Variants in DCLRE1C observed in about 807,000 individuals in gnomAD.
The protein encoded by DCLRE1C is DNA cross-link repair 1C, also known as protein artemis.
Under a neutral mutation model 61.4 loss-of-function variants are expected in DCLRE1C, and 47 were observed. The observed-to-expected ratio is 0.77, with a 90% CI of 0.61 to 0.98. DCLRE1C has a LOEUF of 0.98. DCLRE1C is among the 50% of genes least tolerant of loss of function. DCLRE1C has a pLI of 0.00. For synonymous variants in DCLRE1C, 337 were observed against 287.6 expected, an observed-to-expected ratio of 1.17 and a Z score of -1.74; for missense variants, 858 against 816.0, an observed-to-expected ratio of 1.05 and a Z score of -0.63.
At chr10:14,899,745 A>G (rs541394387), downstream of DCLRE1C, 4 of 1,565,968 alleles carry the variant, frequency 2.6e-6, no homozygotes, top group African/African-American at 1.4e-5. Context: ...ACTAGTTTCC[A>G]TAGCTAAAGA....
chr10:14,928,504 A>G (rs1025989798), intron 9 of DCLRE1C, among the ~76,000 whole-genome samples: 4 of 152,230 alleles, frequency 2.6e-5, no homozygotes, highest in Non-Finnish European at 5.9e-5. Flanking sequence ...GCTATAAAGG[A>G]CACTATGGGA....
chr10:14,948,440 A>T (rs1841997624), intron 2 of DCLRE1C, among the ~76,000 whole-genome samples: 1 of 152,194 alleles, frequency 6.6e-6, no homozygotes, highest in Non-Finnish European at 1.5e-5. Flanking sequence ...AAAATCCAGT[A>T]TTATATGATC....
At chr10:14,938,879 G>A (rs1301217792) in intron 4 of DCLRE1C, among the ~76,000 whole-genome samples, 1 of 151,368 alleles carries the variant, frequency 6.6e-6, no homozygotes, top group Admixed American at 6.6e-5. Context: ...GAACAAATGT[G>A]ACAAAAAATA....
intron 2 of DCLRE1C, among the ~76,000 whole-genome samples, chr10:14,948,761 T>G (rs1842039217): frequency 6.7e-6 from 1 of 149,326 alleles, no homozygotes. Context: ...GAGAGTGTAT[T>G]TGGTAGGATT....
rs1795094213 is a variant in DCLRE1C at position 14,908,155 on chromosome 10, C to A, written c.*253G>T. The A allele has an allele frequency of 4.9e-6, 2 of 406,672 alleles. No homozygotes were observed. The highest frequency in any genetic ancestry group is 5.3e-5 in the South Asian group (2 of 37,736). 25.2% of individuals were successfully genotyped at this position (406,672 alleles called of 1,614,324 possible). ...CAAGGGCCTCCAGAGTAGCCCACCA[C>A]CATGCCTGGCTTTTTTTTTTTTTTT... On this transcript the variant is annotated 3_prime_UTR_variant, in exon 14 of 14. Coordinates refer to ENST00000378278, the MANE Select transcript of DCLRE1C (RefSeq NM_001033855.3).
Position 14,909,339 on chromosome 10 carries a change from CAAACA to C in DCLRE1C, c.1157-14_1157-10del, listed in dbSNP as rs1401796963. On this transcript the variant is annotated splice_polypyrimidine_tract_variant and intron_variant, in intron 13 of 13. Transcript: ENST00000378278. The stretch of plus-strand genomic sequence containing the variant: ...ATAGTCATCTTCCTCCTCTGTGGGA[CAAACA>C]AAACAGGTTTATAGGAAACAAGGCA... 3.2e-5 allele frequency: 51 copies of C among 1,612,066 alleles called. No homozygotes were observed. Among genetic ancestry groups the C allele is most frequent in the Non-Finnish European group, 4.2e-5 (50 of 1,179,534 alleles).
At position 14,908,475 on chromosome 10, in the gene DCLRE1C, T is replaced by C. The variant is rs2131768532; in HGVS notation, c.2012A>G (p.Tyr671Cys). ...ACTCTCACCAGTTGCCAGCTTCTCA[T>C]ATAAATATTGTAAATGCTCTCGTTT... is the stretch of plus-strand genomic sequence containing the variant. ...LPKREHLQYL[Y>C]EKLATGESIA... The change falls in exon 14 of 14, where the codon TAT (tyrosine) becomes TGT (cysteine). Residue 671 changes from tyrosine (Y) to cysteine (C), a missense_variant. Tyr to Cys is a radical substitution (Grantham distance 194). This residue lies in a region of DCLRE1C where 843 missense variants were observed against 783.5 expected (regional missense o/e 1.08). Transcript: ENST00000378278. 2 of 1,614,046 alleles carry C rather than the reference T, an allele frequency of 1.2e-6. No individual in the cohort carries two copies. The highest frequency in any genetic ancestry group is 1.6e-4 in the Middle Eastern group (1 of 6,062).
chr10:14,923,569 G>A (rs1288831919), intron 11 of DCLRE1C: 2 of 162,574 alleles, frequency 1.2e-5, no homozygotes, highest in East Asian at 1.8e-4. Context: ...ACTCAAGGCT[G>A]AGGCAGGAGG....
rs535467351 is a variant in DCLRE1C, at chr10:14,906,802, A to G, written c.*1606T>C. ...TAAAACTTGTTAAAAATCCTCATAC[A>G]TAACACAAAAGCCTAACACATTGAT... On this transcript the variant is annotated 3_prime_UTR_variant, in exon 14 of 14. Coordinates refer to ENST00000378278, the MANE Select transcript of DCLRE1C (RefSeq NM_001033855.3). Among the ~76,000 whole-genome samples, 60 of 152,368 alleles carry G rather than the reference A, an allele frequency of 3.9e-4. No homozygotes were observed. Among genetic ancestry groups the G allele is most frequent in the Middle Eastern group, 6.8e-3 (2 of 294 alleles).
chr10:14,920,019 A>T (rs925177557), intron 12 of DCLRE1C, among the ~76,000 whole-genome samples, 187 bp from the exon 13 acceptor site: 1 of 152,164 alleles, frequency 6.6e-6, no homozygotes, highest in Non-Finnish European at 1.5e-5. Flanking sequence ...TTCTAAACTG[A>T]TTTCATAGTT....
chr10:14,909,387 G>A (rs1423126828), intron 13 of DCLRE1C, 57 bp from the exon 14 acceptor site: 1 of 1,467,274 alleles, frequency 6.8e-7, no homozygotes, highest in African/African-American at 1.4e-5. Context: ...CCAATTTGTA[G>A]TATTTATCTG....
chr10:14,953,934 G>T lies in DCLRE1C; in HGVS notation c.77C>A (p.Ala26Asp). The T allele has an allele frequency of 6.2e-7, 1 of 1,614,072 alleles. No homozygotes were observed. Among genetic ancestry groups the T allele is most frequent in the East Asian group, 2.2e-5 (1 of 44,878 alleles). Residue 26 changes from alanine to aspartate, a missense_variant, in exon 1 of 14, where the codon GCC becomes GAC. By Grantham distance (126) the Ala-to-Asp change is moderately radical (BLOSUM62 -2). Coordinates refer to ENST00000378278, the MANE Select transcript of DCLRE1C (RefSeq NM_001033855.3). ...GCAGTGGGACAGGAAGTAGGCGCGGGCCCTCAGGTTCTCCCTATCGAAGCG... is the reference window on the plus strand; with the variant it reads ...GCAGTGGGACAGGAAGTAGGCGCGGTCCCTCAGGTTCTCCCTATCGAAGCG... The part of the protein sequence containing the change: ...IDRFDRENLR[A>D]RAYFLSHCHK...
rs917645458 is a variant in DCLRE1C at position 14,939,707 on chromosome 10, T to C, written c.306+103A>G. Reference sequence around the variant, plus strand: ...AAATCAAAGAGAAAGATTGAGGGTATAGCTGAGGGGTGGAGCATCTGACTG... The same window carrying C: ...AAATCAAAGAGAAAGATTGAGGGTACAGCTGAGGGGTGGAGCATCTGACTG... On this transcript the variant is annotated intron_variant, in intron 4 of 13. Transcript: ENST00000378278. The C allele has an allele frequency of 9.8e-6, 9 of 920,214 alleles. No individual in the cohort carries two copies. The African/African-American group carries it at 1.3e-4, about 14-fold the overall frequency. 57.0% of individuals were successfully genotyped at this position (920,214 alleles called of 1,614,324 possible). A position where few individuals can be genotyped will look rare whatever the true frequency, so the allele number is the denominator to read the frequency against.
intron 13 of DCLRE1C, among the ~76,000 whole-genome samples, chr10:14,917,522 C>T (rs1253239105): frequency 6.6e-6 from 1 of 151,216 alleles, no homozygotes; most frequent in Admixed American, 6.6e-5. Flanking sequence ...TATCCAGAAA[C>T]TTAGGAAAAC....
At chr10:14,912,484 T>G (rs1178918498) in intron 13 of DCLRE1C, among the ~76,000 whole-genome samples, 1 of 152,204 alleles carries the variant, frequency 6.6e-6, no homozygotes, top group African/African-American at 2.4e-5. Flanking sequence ...GTACTCAAAT[T>G]TTCATAGCAT....
intron 9 of DCLRE1C, among the ~76,000 whole-genome samples, chr10:14,930,278 C>CTTT (rs60565089): frequency 2.2e-4 from 19 of 85,722 alleles, no homozygotes; most frequent in East Asian, 4.1e-4. Flanking sequence ...CACTCAGCAC[C>CTTT]TTTTTTTTTT....
At chr10:14,927,391 A>G (rs564900658) in intron 10 of DCLRE1C, among the ~76,000 whole-genome samples, 1 of 150,498 alleles carries the variant, frequency 6.6e-6, no homozygotes, top group Non-Finnish European at 1.5e-5. Context: ...TCTCCACACA[A>G]AAAAAAAAGA....
In DCLRE1C at chr10:14,926,881, A is replaced by G. The variant is rs1470101838; in HGVS notation, c.934T>C (p.Tyr312His). Residue 312 changes from tyrosine (Y) to histidine (H), a missense_variant, in exon 11 of 14, where the codon TAC becomes CAC. Transcript: ENST00000378278. ...GAGTGAAAAGAAAAACAAGCTCTGT[A>G]TGAACTCTCTCCAGTCCTAAAGGGA... Reference protein sequence around the residue: ...NVIVRTGESSYRACFSFHSSY... With the variant: ...NVIVRTGESSHRACFSFHSSY... 6.2e-7 allele frequency: 1 copy of G among 1,613,470 alleles called. No homozygotes were observed. Among genetic ancestry groups the G allele is most frequent in the African/African-American group, 1.3e-5 (1 of 74,898 alleles).
intron 12 of DCLRE1C, chr10:14,920,398 T>G: frequency 2.0e-6 from 2 of 1,013,476 alleles, no homozygotes; most frequent in Non-Finnish European, 2.4e-6. Context: ...AAGGCCTCAC[T>G]GCCAACTGCC....
Sources: gnomAD v4.1 joint callset for allele counts (sites outside exome capture counted in the v4.1 genomes callset) on GRCh38, gnomAD v4.1.1 for gene constraint, gnomAD v4.1.1 regional missense constraint, MANE v1.5 for transcripts, NCBI Gene and HGNC (gene_info 2026-07-23, HGNC 2026-07-21) for gene names.